The following HIPK2 variants were observed in gnomAD, a reference collection of about 807,000 sequenced individuals.
The protein encoded by HIPK2 is homeodomain interacting protein kinase 2, also known as homeodomain-interacting protein kinase 2.
Under a neutral mutation model 113.7 loss-of-function variants are expected in HIPK2, and 27 were observed. The ratio of observed to expected loss-of-function variants is 0.24; its 90% CI spans 0.17 to 0.33. HIPK2 has a LOEUF of 0.33. HIPK2 is among the 10% of genes least tolerant of loss of function. The pLI, the probability that HIPK2 is intolerant of heterozygous loss-of-function variation, is 1.00. For missense variants in HIPK2, 1,257 were observed against 1,588.0 expected (o/e 0.79, Z 3.54); for synonymous variants, 631 against 642.2 (o/e 0.98, Z 0.26).
intron 2 of HIPK2, among the ~76,000 whole-genome samples, chr7:139,698,020 G>A (rs1350002961): frequency 2.0e-5 from 3 of 151,960 alleles, no homozygotes; most frequent in South Asian, 4.2e-4. Context: ...ACGCCACCAC[G>A]CCTGGCTAGT....
intron 2 of HIPK2, among the ~76,000 whole-genome samples, chr7:139,693,882 C>T (rs922927111): frequency 6.6e-5 from 10 of 152,114 alleles, no homozygotes; most frequent in Non-Finnish European, 2.9e-5. Context: ...TGCAGTATCC[C>T]GCAGGCAGCA....
intron 1 of HIPK2, among the ~76,000 whole-genome samples, chr7:139,739,609 C>T (rs1796040280): frequency 6.6e-6 from 1 of 151,454 alleles, no homozygotes; most frequent in African/African-American, 2.4e-5. Context: ...AGGTATAGTT[C>T]AGTGGTTTTG....
rs1438616812 is a variant in HIPK2, at chr7:139,569,547, T to G, written c.*3380A>C. The G allele has an allele frequency of 1.3e-5, 2 of 152,164 alleles. No individual in the cohort carries two copies. The highest frequency in any genetic ancestry group is 3.9e-4 in the East Asian group (2 of 5,192). 9.4% of individuals were successfully genotyped at this position (152,164 alleles called of 1,614,324 possible). A position where few individuals can be genotyped will look rare whatever the true frequency, so the allele number is the denominator to read the frequency against. On this transcript the variant is annotated 3_prime_UTR_variant, in exon 15 of 15. Coordinates refer to ENST00000406875, the MANE Select transcript of HIPK2 (RefSeq NM_022740.5). The stretch of plus-strand genomic sequence containing the variant: ...AGTGACTCGACATTCCCCGAGCCCA[T>G]GAGATGCCACCTGACGTCGCATCCC...
chr7:139,727,935 ATTTTTTTT>A (rs10524758), intron 1 of HIPK2, among the ~76,000 whole-genome samples: 3,522 of 116,742 alleles, frequency 0.03, 124 homozygotes, highest in African/African-American at 0.11. Flanking sequence ...GCATTGGCTA[ATTTTTTTT>A]TTTTTTTTTT....
intron 1 of HIPK2, among the ~76,000 whole-genome samples, chr7:139,759,484 A>C (rs1796428679): frequency 6.6e-6 from 1 of 152,232 alleles, no homozygotes. Context: ...CATGTCTACA[A>C]GGTTATCTAT....
intron 6 of HIPK2, among the ~76,000 whole-genome samples, chr7:139,624,350 C>T (rs1800350670): frequency 6.6e-6 from 1 of 152,132 alleles, no homozygotes; most frequent in African/African-American, 2.4e-5. Flanking sequence ...CCCCTTCGTT[C>T]ACTGAGGCCT....
At chr7:139,639,070 C>T (rs1304695161) in intron 2 of HIPK2, among the ~76,000 whole-genome samples, 1 of 152,196 alleles carries the variant, frequency 6.6e-6, no homozygotes, top group Non-Finnish European at 1.5e-5. Context: ...CACACAGAAG[C>T]TGCTTCGTAA....
At chr7:139,680,311 C>T (rs1802653776) in intron 2 of HIPK2, among the ~76,000 whole-genome samples, 1 of 152,242 alleles carries the variant, frequency 6.6e-6, no homozygotes, top group Non-Finnish European at 1.5e-5. Context: ...ACCCTCCCCA[C>T]AGCGTGGCTG....
intron 1 of HIPK2, among the ~76,000 whole-genome samples, chr7:139,732,270 A>G (rs1795812055): frequency 1.3e-5 from 2 of 152,140 alleles, no homozygotes; most frequent in Admixed American, 1.3e-4. Context: ...GCCCATTCTA[A>G]GCTGTGCAAA....
At chr7:139,659,877 T>C (rs1801807939) in intron 2 of HIPK2, among the ~76,000 whole-genome samples, 1 of 152,248 alleles carries the variant, frequency 6.6e-6, no homozygotes, top group Admixed American at 6.5e-5. Context: ...ATAGCTAATC[T>C]TTACTTGGGT....
At chr7:139,602,192 A>G (rs1187050318) in intron 10 of HIPK2, among the ~76,000 whole-genome samples, 1 of 152,084 alleles carries the variant, frequency 6.6e-6, no homozygotes, top group Non-Finnish European at 1.5e-5. Flanking sequence ...ACCTCAGGTG[A>G]TCTGCCTGCC....
chr7:139,649,537 G>C (rs913695322), intron 2 of HIPK2, among the ~76,000 whole-genome samples: 5 of 145,096 alleles, frequency 3.4e-5, no homozygotes, highest in South Asian at 2.1e-4. Flanking sequence ...AGGTGATGTA[G>C]AGCCTGAGGG....
At chr7:139,718,092 C>G (rs116071973) in intron 1 of HIPK2, among the ~76,000 whole-genome samples, 3,575 of 152,212 alleles carry the variant, frequency 0.023, 119 homozygotes, top group African/African-American at 0.081. Flanking sequence ...TTTAGATAAA[C>G]TTAGAAACCT....
chr7:139,575,378 G>T, intron 13 of HIPK2, 90 bp from the exon 14 acceptor site: 1 of 1,404,220 alleles, frequency 7.1e-7, no homozygotes, highest in Non-Finnish European at 9.6e-7. Context: ...GGTCTTCCAG[G>T]AAGAAACATG....
At chr7:139,776,523 C>T (rs2117193205) in intron 1 of HIPK2, among the ~76,000 whole-genome samples, 1 of 152,140 alleles carries the variant, frequency 6.6e-6, no homozygotes, top group South Asian at 2.1e-4. Context: ...GATTACATTC[C>T]CCCCTCGTGC....
intron 1 of HIPK2, among the ~76,000 whole-genome samples, chr7:139,772,899 C>G (rs1168364739): frequency 6.6e-6 from 1 of 151,420 alleles, no homozygotes; most frequent in Non-Finnish European, 1.5e-5. Context: ...TCTTCCCATT[C>G]TAGCTGAAGA....
intron 2 of HIPK2, among the ~76,000 whole-genome samples, chr7:139,633,913 C>G (rs1361594100): frequency 6.6e-6 from 1 of 151,410 alleles, no homozygotes; most frequent in Non-Finnish European, 1.5e-5. Context: ...CCATTGTACT[C>G]CAGCCTGGGT....
intron 2 of HIPK2, among the ~76,000 whole-genome samples, chr7:139,699,210 C>T (rs1018662717): frequency 6.6e-6 from 1 of 152,220 alleles, no homozygotes; most frequent in Admixed American, 6.5e-5. Flanking sequence ...CTCATTTCCC[C>T]AGGGCCGCAG....
At chr7:139,763,482 C>CA (rs981247516) in intron 1 of HIPK2, among the ~76,000 whole-genome samples, 8 of 135,212 alleles carry the variant, frequency 5.9e-5, no homozygotes, top group African/African-American at 8.9e-5. Flanking sequence ...GCCCCCCCCC[C>CA]CACACGCCCC....
Sources: allele counts gnomAD v4.1 joint callset (sites outside exome capture counted in the v4.1 genomes callset), GRCh38; gene constraint gnomAD v4.1.1; transcripts MANE v1.5; gene names NCBI Gene and HGNC (gene_info 2026-07-23, HGNC 2026-07-21).